ROBO2: variants seen among roughly 807,000 people sequenced by gnomAD.
ROBO2 encodes the protein roundabout guidance receptor 2.
Under a neutral mutation model 160.8 loss-of-function variants are expected in ROBO2, and 53 were observed. The ratio of observed to expected loss-of-function variants is 0.33; its 90% CI spans 0.26 to 0.41. The LOEUF is 0.41. Among genes scored for constraint, ROBO2 ranks in the 10% least tolerant of loss-of-function variants. The pLI is 1.00. For synonymous variants in ROBO2, 664 were observed against 611.7 expected (o/e 1.09, Z -1.26); for missense variants, 1,577 against 1,722.4 (o/e 0.92, Z 1.49).
At chr3:77,203,746 C>A (rs558462460) in intron 2 of ROBO2, among the ~76,000 whole-genome samples, 1 of 152,104 alleles carries the variant, frequency 6.6e-6, no homozygotes, top group African/African-American at 2.4e-5. Flanking sequence ...CTGAAACTGC[C>A]GCTGTTGGAA....
At chr3:77,121,913 TTTA>T (rs1285176242) in intron 2 of ROBO2, among the ~76,000 whole-genome samples, 1 of 152,248 alleles carries the variant, frequency 6.6e-6, no homozygotes, top group Admixed American at 6.5e-5. Flanking sequence ...TATTTAGAAT[TTTA>T]TTATTATTAT....
intron 2 of ROBO2, among the ~76,000 whole-genome samples, chr3:77,470,639 T>A (rs1334958879): frequency 6.6e-6 from 1 of 152,198 alleles, no homozygotes; most frequent in Non-Finnish European, 1.5e-5. Flanking sequence ...TATGTGCCTG[T>A]TAATTAATTT....
At chr3:76,434,265 G>A in intron 2 of ROBO2, 8 of 1,000,754 alleles carry the variant, frequency 8.0e-6, no homozygotes, top group Non-Finnish European at 1.3e-5. Context: ...GTTGGTTACA[G>A]ATTCTCAGTG....
At chr3:76,953,452 T>C (rs141803985) in intron 2 of ROBO2, among the ~76,000 whole-genome samples, 43 of 152,264 alleles carry the variant, frequency 2.8e-4, no homozygotes, top group African/African-American at 1.0e-3. Flanking sequence ...CTTGAGGGCA[T>C]TGAACTCAAA....
At chr3:76,576,936 G>T (rs370403655) in intron 2 of ROBO2, among the ~76,000 whole-genome samples, 1 of 151,844 alleles carries the variant, frequency 6.6e-6, no homozygotes, top group Non-Finnish European at 1.5e-5. Flanking sequence ...CTTGTAAATC[G>T]TAAGTAGTTT....
chr3:76,304,887 A>G (rs1188071610), intron 2 of ROBO2, among the ~76,000 whole-genome samples: 2 of 151,138 alleles, frequency 1.3e-5, no homozygotes, highest in Non-Finnish European at 2.9e-5. Context: ...TATATGCACC[A>G]CTGGGCCCTT....
rs2064731953 is a variant in ROBO2 at position 76,806,524 on chromosome 3, A to G, written c.110-291490A>G. Among the ~76,000 whole-genome samples, 2 of 151,986 alleles carry G rather than the reference A, an allele frequency of 1.3e-5. 1 individual carries two copies. The highest frequency in any genetic ancestry group is 1.3e-4 in the Admixed American group (2 of 15,246). ...CAATAAGTGTTTGCCAAAAAAAAAC[A>G]TGAATAAAAATGAAACATTTTGGAT... On this transcript the variant is annotated intron_variant, in intron 2 of 26. Transcript: ENST00000487694.
intron 2 of ROBO2, among the ~76,000 whole-genome samples, chr3:77,123,637 G>T (rs2150289013): frequency 6.6e-6 from 1 of 151,576 alleles, no homozygotes; most frequent in South Asian, 2.1e-4. Context: ...CAATTCTAGA[G>T]AGTGGACAAG....
rs1247954681 is a variant in ROBO2 at position 76,124,598 on chromosome 3, G to A, written c.109+186996G>A. ...CATTTTCTTTTTTTCATTTCTGTGA[G>A]CCCTTTAATAAGTAGTATTAATGTT... is the stretch of plus-strand genomic sequence containing the variant. On this transcript the variant is annotated intron_variant, in intron 2 of 26. Transcript: ENST00000487694. Among the ~76,000 whole-genome samples, 6 of 152,010 alleles carry A rather than the reference G, an allele frequency of 3.9e-5. No individual in the cohort carries two copies. In the East Asian group the frequency reaches 1.2e-3, roughly 29 times the overall value.
chr3:76,409,015 A>T (rs1024823347), intron 2 of ROBO2, among the ~76,000 whole-genome samples: 1 of 152,126 alleles, frequency 6.6e-6, no homozygotes, highest in African/African-American at 2.4e-5. Context: ...CTGGGGTATT[A>T]ATATGTGAAT....
intron 2 of ROBO2, among the ~76,000 whole-genome samples, chr3:77,336,347 C>T (rs950508273): frequency 1.3e-5 from 2 of 152,008 alleles, no homozygotes; most frequent in South Asian, 4.1e-4. Context: ...CAACAAGCAA[C>T]ACGAAGTCAA....
chr3:76,688,604 T>G (rs893247375), intron 2 of ROBO2, among the ~76,000 whole-genome samples: 4 of 141,984 alleles, frequency 2.8e-5, no homozygotes, highest in Non-Finnish European at 6.1e-5. Flanking sequence ...ATTTTAGTGG[T>G]GTGTGTGTGT....
At chr3:77,286,303 C>A (rs1468230967) in intron 2 of ROBO2, among the ~76,000 whole-genome samples, 1 of 142,948 alleles carries the variant, frequency 7.0e-6, no homozygotes, top group East Asian at 2.1e-4. Flanking sequence ...TATCACCAGG[C>A]TGGAGTATAT....
chr3:76,190,378 C>A (rs1235188824), intron 2 of ROBO2, among the ~76,000 whole-genome samples: 2 of 152,054 alleles, frequency 1.3e-5, no homozygotes, highest in East Asian at 3.9e-4. Context: ...ATGCCTTCCA[C>A]AGTTGGTAGC....
intron 2 of ROBO2, among the ~76,000 whole-genome samples, chr3:77,126,025 A>C (rs986057530): frequency 6.6e-6 from 1 of 152,196 alleles, no homozygotes; most frequent in African/African-American, 2.4e-5. Flanking sequence ...TTTGACCCTA[A>C]ATGACAAAGT....
intron 2 of ROBO2, among the ~76,000 whole-genome samples, chr3:77,452,899 C>T (rs1232631274): frequency 6.6e-6 from 1 of 152,042 alleles, no homozygotes; most frequent in African/African-American, 2.4e-5. Context: ...ATGTTTTTTG[C>T]AGTTTTCACT....
rs200057402 is a variant in ROBO2, at chr3:76,835,418, ATAAT to A, written c.110-262595_110-262592del. On this transcript the variant is annotated intron_variant, in intron 2 of 26. Transcript: ENST00000487694. ...TTATATATAATAATATATAATATAT[ATAAT>A]ATATACAAACATATAATGTAATACA... is the stretch of plus-strand genomic sequence containing the variant. Among the ~76,000 whole-genome samples the A allele has an allele frequency of 7.3e-3, 1,084 of 147,750 alleles. 48 individuals are homozygous for A. Among genetic ancestry groups the A allele is most frequent in the Admixed American group, 0.054 (797 of 14,710 alleles).
intron 4 of ROBO2, among the ~76,000 whole-genome samples, chr3:77,484,289 G>A (rs1273910110): frequency 6.6e-6 from 1 of 151,988 alleles, no homozygotes; most frequent in African/African-American, 2.4e-5. Context: ...GGCAGAGAAA[G>A]TAGAGTTGAA....
intron 2 of ROBO2, among the ~76,000 whole-genome samples, chr3:76,900,080 G>T (rs1425538421): frequency 6.6e-6 from 1 of 152,106 alleles, no homozygotes; most frequent in Non-Finnish European, 1.5e-5. Context: ...GCAAGTCACA[G>T]CTTAAGTGGA....
Sources: allele counts gnomAD v4.1 joint callset (sites outside exome capture counted in the v4.1 genomes callset), GRCh38; gene constraint gnomAD v4.1.1; transcripts MANE v1.5; gene names NCBI Gene and HGNC (gene_info 2026-07-23, HGNC 2026-07-21).